The following SCAMP1 variants were observed in gnomAD, a reference collection of about 807,000 sequenced individuals.
The protein encoded by SCAMP1 is secretory carrier membrane protein 1, also known as secretory carrier-associated membrane protein 1.
Under a neutral mutation model 41.8 loss-of-function variants are expected in SCAMP1, and 15 were observed. The observed-to-expected ratio is 0.36, with a 90% CI of 0.24 to 0.55. SCAMP1 has a LOEUF of 0.55. Ranked by LOEUF, SCAMP1 falls within the 20% of genes least tolerant of loss-of-function variation. SCAMP1 has a pLI of 0.86. For synonymous variants in SCAMP1, 135 were observed against 136.8 expected, an observed-to-expected ratio of 0.99 and a Z score of 0.09; for missense variants, 341 against 412.6, an observed-to-expected ratio of 0.83 and a Z score of 1.50.
At chr5:78,386,575 A>G (rs192185574) in intron 1 of SCAMP1, among the ~76,000 whole-genome samples, 1 of 151,950 alleles carries the variant, frequency 6.6e-6, no homozygotes, top group Admixed American at 6.6e-5. Flanking sequence ...TTATGCTTTA[A>G]GGAGATTCCA....
chr5:78,396,690 G>C (rs1751659208), intron 2 of SCAMP1, among the ~76,000 whole-genome samples: 1 of 152,072 alleles, frequency 6.6e-6, no homozygotes, highest in South Asian at 2.1e-4. Context: ...CTAAACTCCT[G>C]GTGCACTCGA....
At chr5:78,432,361 C>T (rs1305866863) in intron 6 of SCAMP1, among the ~76,000 whole-genome samples, 4 of 151,942 alleles carry the variant, frequency 2.6e-5, no homozygotes, top group African/African-American at 9.7e-5. Flanking sequence ...GAAAATTTTT[C>T]TTTAATATTT....
chr5:78,456,605 G>T (rs1753411169), intron 7 of SCAMP1, among the ~76,000 whole-genome samples: 1 of 149,858 alleles, frequency 6.7e-6, no homozygotes, highest in African/African-American at 2.5e-5. Context: ...TTTCTCTCTG[G>T]CTGCCCTTAA....
At chr5:78,428,505 C>A (rs1342568581) in intron 6 of SCAMP1, among the ~76,000 whole-genome samples, 1 of 152,038 alleles carries the variant, frequency 6.6e-6, no homozygotes. Flanking sequence ...TACCAATATG[C>A]CTTTCTTGAC....
intron 8 of SCAMP1, among the ~76,000 whole-genome samples, chr5:78,460,743 T>TCCTTCCTTCCTTCCGTCCGTC (rs1753566636): frequency 3.9e-4 from 1 of 2,588 alleles, no homozygotes; most frequent in African/African-American, 9.4e-4. Context: ...GTTTCTTTTC[T>TCCTTCCTTCCTTCCGTCCGTC]CCTTCCTTCC....
chr5:78,440,574 C>T (rs570875747), intron 6 of SCAMP1, among the ~76,000 whole-genome samples: 25 of 152,260 alleles, frequency 1.6e-4, no homozygotes, highest in East Asian at 5.8e-4. Context: ...CTGGAAGCTT[C>T]GTCTCAGAGG....
intron 7 of SCAMP1, 64 bp downstream of exon 7, chr5:78,450,098 C>T (rs971525150): frequency 8.0e-6 from 7 of 878,604 alleles, no homozygotes; most frequent in Non-Finnish European, 1.3e-5. Flanking sequence ...TTTTGGCTTC[C>T]TAATCTAGTT....
chr5:78,434,314 CTT>C (rs994205261), intron 6 of SCAMP1, among the ~76,000 whole-genome samples: 2 of 152,258 alleles, frequency 1.3e-5, no homozygotes, highest in African/African-American at 4.8e-5. Context: ...TTTTATCTCT[CTT>C]TGAGTTATTT....
chr5:78,365,623 T>TA (rs1440893152), intron 1 of SCAMP1, among the ~76,000 whole-genome samples: 1 of 151,898 alleles, frequency 6.6e-6, no homozygotes, highest in Non-Finnish European at 1.5e-5. Context: ...AAGCTAAAAA[T>TA]AATTAAGTGC....
intron 4 of SCAMP1, 43 bp downstream of exon 4, chr5:78,416,692 C>G: frequency 7.1e-7 from 1 of 1,413,024 alleles, no homozygotes; most frequent in Non-Finnish European, 9.7e-7. Flanking sequence ...CTTTTAAATA[C>G]TTTACATTAT....
intron 1 of SCAMP1, among the ~76,000 whole-genome samples, chr5:78,370,280 A>G (rs1750911288): frequency 6.6e-6 from 1 of 152,188 alleles, no homozygotes; most frequent in Non-Finnish European, 1.5e-5. Context: ...AAATATTGTA[A>G]GATGTTTTTA....
At chr5:78,460,766 T>G (rs562537957) in intron 8 of SCAMP1, among the ~76,000 whole-genome samples, 75 of 33,626 alleles carry the variant, frequency 2.2e-3, no homozygotes, top group African/African-American at 9.9e-3. Flanking sequence ...CCTTCCTTCC[T>G]TCCTTCCTTC....
intron 6 of SCAMP1, among the ~76,000 whole-genome samples, chr5:78,439,879 C>T (rs1183470518): frequency 6.6e-6 from 1 of 152,204 alleles, no homozygotes; most frequent in Non-Finnish European, 1.5e-5. Flanking sequence ...GGTCTTTTCA[C>T]ATAGTCCCAT....
chr5:78,434,025 C>CAT (rs1373337509), intron 6 of SCAMP1, among the ~76,000 whole-genome samples: 2 of 152,170 alleles, frequency 1.3e-5, no homozygotes, highest in Admixed American at 6.5e-5. Context: ...TTACCTCCCA[C>CAT]ATAAAGCTTT....
At chr5:78,398,903 A>G (rs1052681640) in intron 2 of SCAMP1, among the ~76,000 whole-genome samples, 16 of 152,230 alleles carry the variant, frequency 1.1e-4, no homozygotes, top group African/African-American at 3.9e-4. Context: ...GTAATGACCT[A>G]TATCCATTAT....
At chr5:78,394,646 G>A (rs147178021) in intron 2 of SCAMP1, among the ~76,000 whole-genome samples, 81 of 152,284 alleles carry the variant, frequency 5.3e-4, no homozygotes, top group Non-Finnish European at 8.2e-4. Flanking sequence ...ATTCTGTATA[G>A]TTTAACACCT....
At chr5:78,392,741 G>A (rs1044985572) in intron 2 of SCAMP1, among the ~76,000 whole-genome samples, 1 of 152,090 alleles carries the variant, frequency 6.6e-6, no homozygotes, top group Non-Finnish European at 1.5e-5. Context: ...TTAACATGAT[G>A]GAAAACACAG....
chr5:78,439,561 G>A (rs923639582), intron 6 of SCAMP1, among the ~76,000 whole-genome samples: 4 of 152,156 alleles, frequency 2.6e-5, no homozygotes, highest in African/African-American at 9.7e-5. Flanking sequence ...CTTCTGGCTT[G>A]TAGGGTTTTT....
chr5:78,373,436 CA>C (rs1408946958), intron 1 of SCAMP1, among the ~76,000 whole-genome samples: 3 of 152,168 alleles, frequency 2.0e-5, no homozygotes, highest in Non-Finnish European at 4.4e-5. Context: ...CAACCTAAAA[CA>C]AGCATCCCTA....
Sources: gnomAD v4.1 joint callset for allele counts (sites outside exome capture counted in the v4.1 genomes callset) on GRCh38, gnomAD v4.1.1 for gene constraint, MANE v1.5 for transcripts, NCBI Gene and HGNC (gene_info 2026-07-23, HGNC 2026-07-21) for gene names.